Variants in ASPRV1 observed in about 807,000 individuals in gnomAD.
ASPRV1 encodes the protein aspartic peptidase retroviral like 1, also known as retroviral-like aspartic protease 1.
A neutral mutation model predicts 11.0 loss-of-function variants in ASPRV1; 7 were observed. That is an observed-to-expected ratio of 0.64 (90% CI 0.36 to 1.20). The LOEUF is 1.20. ASPRV1 is among the 50% of genes most tolerant of loss of function. ASPRV1 has a pLI of 0.02. For missense variants in ASPRV1, 299 were observed against 320.0 expected (o/e 0.93, Z 0.50); for synonymous variants, 136 against 138.4 (o/e 0.98, Z 0.12).
the ASPRV1 span, among the ~76,000 whole-genome samples, chr2:70,021,145 C>T: frequency 2.6e-5 from 4 of 152,096 alleles, no homozygotes; most frequent in Non-Finnish European, 4.4e-5. Context: ...TAGGTAGAAT[C>T]ACATGGTGTT....
At chr2:70,007,764 G>A in the ASPRV1 span, among the ~76,000 whole-genome samples, 1 of 151,980 alleles carries the variant, frequency 6.6e-6, no homozygotes, top group South Asian at 2.1e-4. Context: ...CTAGGGAGTG[G>A]GACTGGAGGA....
the ASPRV1 span, among the ~76,000 whole-genome samples, chr2:70,014,303 T>G: frequency 6.6e-6 from 1 of 151,992 alleles, no homozygotes. Context: ...ATAGAGAAAT[T>G]TAAATATTCC....
chr2:70,073,486 G>A, the ASPRV1 span, among the ~76,000 whole-genome samples: 1 of 152,062 alleles, frequency 6.6e-6, no homozygotes, highest in Non-Finnish European at 1.5e-5. Context: ...TATTTTGTAA[G>A]ATTACTGTGA....
chr2:69,933,217 AAAAAAAAC>A, the ASPRV1 span, among the ~76,000 whole-genome samples: 1 of 151,230 alleles, frequency 6.6e-6, no homozygotes, highest in Admixed American at 6.6e-5. Context: ...AAAAAAAAAA[AAAAAAAAC>A]AAAAAAAGAA....
chr2:70,056,723 G>GTTTT, the ASPRV1 span: 2 of 1,034 alleles, frequency 1.9e-3, no homozygotes, highest in Admixed American at 0.017. Flanking sequence ...TTTTACAACT[G>GTTTT]CTTTTGTTTT....
At chr2:69,933,001 C>T in the ASPRV1 span, among the ~76,000 whole-genome samples, 7 of 151,932 alleles carry the variant, frequency 4.6e-5, no homozygotes, top group Non-Finnish European at 7.4e-5. Context: ...GAGTTCGAGA[C>T]CAGCCTGGCC....
At chr2:69,981,243 T>C in the ASPRV1 span, among the ~76,000 whole-genome samples, 2 of 152,236 alleles carry the variant, frequency 1.3e-5, no homozygotes, top group East Asian at 1.9e-4. Flanking sequence ...AAATTATCTA[T>C]ATGTCCAAGA....
upstream of ASPRV1, chr2:69,961,662 G>A (rs747997636): frequency 2.6e-6 from 4 of 1,556,386 alleles, no homozygotes; most frequent in Admixed American, 7.5e-5. Flanking sequence ...CCTTTTTGAT[G>A]CCTAGGCTGG....
chr2:70,066,996 A>G, the ASPRV1 span, among the ~76,000 whole-genome samples: 3 of 152,204 alleles, frequency 2.0e-5, no homozygotes, highest in Non-Finnish European at 4.4e-5. Flanking sequence ...TGGATTATAT[A>G]AACTAAGATG....
At chr2:69,942,747 C>T in the ASPRV1 span, 1 of 152,202 alleles carries the variant, frequency 6.6e-6, no homozygotes, top group Admixed American at 6.5e-5. Flanking sequence ...GTATGCTATT[C>T]TGTTTCCAGA....
At chr2:70,026,253 G>A in the ASPRV1 span, among the ~76,000 whole-genome samples, 3 of 151,942 alleles carry the variant, frequency 2.0e-5, no homozygotes, top group African/African-American at 2.4e-5. Context: ...CTCCAGCCTG[G>A]AAAACAAGAG....
the ASPRV1 span, among the ~76,000 whole-genome samples, chr2:69,969,564 A>G: frequency 1.8e-3 from 274 of 152,118 alleles, 1 homozygote; most frequent in African/African-American, 6.3e-3. Context: ...TGGCTCCCTG[A>G]GGCTCTGTCT....
chr2:69,982,036 T>TATCTATCC, the ASPRV1 span, among the ~76,000 whole-genome samples: 3 of 149,024 alleles, frequency 2.0e-5, no homozygotes, highest in Non-Finnish European at 4.4e-5. Context: ...CCCTCTCATC[T>TATCTATCC]ATCCATCCAT....
At chr2:70,002,312 T>A in the ASPRV1 span, among the ~76,000 whole-genome samples, 15 of 152,240 alleles carry the variant, frequency 9.9e-5, no homozygotes, top group Non-Finnish European at 1.6e-4. Flanking sequence ...AGCTTAATCT[T>A]GCCTCCTCAA....
chr2:70,074,856 C>T, the ASPRV1 span, among the ~76,000 whole-genome samples: 1 of 151,390 alleles, frequency 6.6e-6, no homozygotes, highest in Non-Finnish European at 1.5e-5. Flanking sequence ...GTGGCTCACG[C>T]CTATAATCCC....
chr2:70,081,907 G>A, the ASPRV1 span, among the ~76,000 whole-genome samples: 1 of 151,354 alleles, frequency 6.6e-6, no homozygotes, highest in African/African-American at 2.4e-5. Context: ...AAATAAAAGA[G>A]AAATAGAAAG....
chr2:70,023,422 G>T, the ASPRV1 span, among the ~76,000 whole-genome samples: 1 of 152,168 alleles, frequency 6.6e-6, no homozygotes, highest in Admixed American at 6.5e-5. Flanking sequence ...CTGTAGCCCA[G>T]GGTTCCCTCC....
At chr2:70,084,673 TGTA>T in the ASPRV1 span, among the ~76,000 whole-genome samples, 3 of 152,244 alleles carry the variant, frequency 2.0e-5, no homozygotes, top group African/African-American at 4.8e-5. Context: ...ATATACTGCA[TGTA>T]GTAACAAATA....
At chr2:70,042,426 G>A in the ASPRV1 span, among the ~76,000 whole-genome samples, 1 of 150,002 alleles carries the variant, frequency 6.7e-6, no homozygotes, top group African/African-American at 2.5e-5. Context: ...GACCTGGCCA[G>A]GGAAAGTGTG....
Sources: allele counts gnomAD v4.1 joint callset (sites outside exome capture counted in the v4.1 genomes callset), GRCh38; gene constraint gnomAD v4.1.1; transcripts MANE v1.5; gene names NCBI Gene and HGNC (gene_info 2026-07-23, HGNC 2026-07-21).